SMYD3: variants seen among roughly 807,000 people sequenced by gnomAD.
SMYD3 encodes histone-lysine N-methyltransferase SMYD3.
In SMYD3, 36 loss-of-function variants were observed where a neutral mutation model predicts 57.7. The observed-to-expected ratio is 0.62, with a 90% CI of 0.48 to 0.82. The LOEUF (loss-of-function observed/expected upper bound fraction) is 0.82, where lower values mean the gene tolerates loss of function less well. SMYD3 is among the 40% of genes least tolerant of loss of function. The pLI is 0.00. For synonymous variants in SMYD3, 211 were observed against 195.0 expected (o/e 1.08, Z -0.68); for missense variants, 515 against 538.8 (o/e 0.96, Z 0.44).
At chr1:246,220,568 C>T (rs1214906534) in intron 5 of SMYD3, among the ~76,000 whole-genome samples, 1 of 152,138 alleles carries the variant, frequency 6.6e-6, no homozygotes, top group Admixed American at 6.5e-5. Context: ...TCTCTGCTAT[C>T]GATGCCCACT....
At chr1:245,859,166 C>G (rs2051406508) in intron 9 of SMYD3, among the ~76,000 whole-genome samples, 1 of 152,180 alleles carries the variant, frequency 6.6e-6, no homozygotes, top group South Asian at 2.1e-4. Context: ...AACCCAAAAA[C>G]TCACACAACC....
intron 8 of SMYD3, among the ~76,000 whole-genome samples, chr1:245,886,493 A>T: frequency 6.6e-6 from 1 of 152,200 alleles, no homozygotes; most frequent in East Asian, 1.9e-4. Context: ...AATACCCAGT[A>T]CAATTGGTAA....
intron 5 of SMYD3, among the ~76,000 whole-genome samples, chr1:245,939,002 C>T (rs928909512): frequency 1.3e-5 from 2 of 151,654 alleles, no homozygotes; most frequent in Non-Finnish European, 2.9e-5. Flanking sequence ...AAAAATTAGC[C>T]GGGCGTGGTG....
At chr1:245,957,028 T>C (rs917700632) in intron 5 of SMYD3, among the ~76,000 whole-genome samples, 2 of 152,202 alleles carry the variant, frequency 1.3e-5, no homozygotes, top group African/African-American at 2.4e-5. Context: ...AGGCTAACAC[T>C]GCCAGTGAAG....
At chr1:246,015,314 A>G (rs2059359115) in intron 5 of SMYD3, among the ~76,000 whole-genome samples, 1 of 152,160 alleles carries the variant, frequency 6.6e-6, no homozygotes, top group Non-Finnish European at 1.5e-5. Context: ...ACAGTCCTAT[A>G]AGCTAAAGAT....
chr1:245,970,416 C>A (rs1335438720), intron 5 of SMYD3, among the ~76,000 whole-genome samples: 5 of 152,138 alleles, frequency 3.3e-5, no homozygotes, highest in African/African-American at 7.2e-5. Flanking sequence ...GACTTCATGT[C>A]TAAAACACCA....
chr1:246,261,185 A>G (rs987470318), intron 5 of SMYD3, among the ~76,000 whole-genome samples: 1 of 152,016 alleles, frequency 6.6e-6, no homozygotes, highest in Non-Finnish European at 1.5e-5. Context: ...CAGCCTCCCA[A>G]GTAGCTGGGA....
intron 8 of SMYD3, among the ~76,000 whole-genome samples, chr1:245,892,747 T>C (rs186049255): frequency 5.4e-4 from 82 of 152,304 alleles, no homozygotes; most frequent in African/African-American, 1.7e-3. Flanking sequence ...TGGATCAAAT[T>C]CCTAAATGTA....
intron 10 of SMYD3, among the ~76,000 whole-genome samples, chr1:245,828,603 A>G (rs2049642370): frequency 6.6e-6 from 1 of 152,224 alleles, no homozygotes; most frequent in Non-Finnish European, 1.5e-5. Context: ...ATGTTTGGGT[A>G]CATGTACACA....
chr1:246,378,723 T>TATA (rs2066322997), intron 1 of SMYD3, among the ~76,000 whole-genome samples: 2 of 28,386 alleles, frequency 7.0e-5, no homozygotes, highest in Admixed American at 9.9e-4. Flanking sequence ...TAATATAATA[T>TATA]ATTATATATT....
intron 10 of SMYD3, among the ~76,000 whole-genome samples, chr1:245,810,863 C>T (rs760099834): frequency 6.6e-6 from 1 of 152,158 alleles, no homozygotes; most frequent in East Asian, 1.9e-4. Flanking sequence ...GCCGAGCAGA[C>T]GGAGGGAGTG....
At chr1:246,325,488 A>T (rs1162275353) in intron 5 of SMYD3, among the ~76,000 whole-genome samples, 1 of 152,112 alleles carries the variant, frequency 6.6e-6, no homozygotes, top group African/African-American at 2.4e-5. Context: ...AAAAATCTCA[A>T]AACTGTGTAT....
chr1:246,425,939 T>C (rs2067211370), intron 1 of SMYD3: 1 of 152,244 alleles, frequency 6.6e-6, no homozygotes, highest in Non-Finnish European at 1.5e-5. Flanking sequence ...GTTTAATTGC[T>C]GAGTATTTTA....
intron 5 of SMYD3, among the ~76,000 whole-genome samples, chr1:246,278,937 G>C (rs1330466396): frequency 6.6e-6 from 1 of 152,204 alleles, no homozygotes; most frequent in Non-Finnish European, 1.5e-5. Context: ...CTGCCTGACT[G>C]TTGTCAGGAT....
At chr1:246,002,342 G>C (rs531888770) in intron 5 of SMYD3, among the ~76,000 whole-genome samples, 3 of 65,354 alleles carry the variant, frequency 4.6e-5, no homozygotes, top group Non-Finnish European at 1.2e-4. Flanking sequence ...CCGCCACCAC[G>C]CCCGGCTAAT....
At chr1:246,058,111 G>A (rs1039196720) in intron 5 of SMYD3, among the ~76,000 whole-genome samples, 1 of 152,162 alleles carries the variant, frequency 6.6e-6, no homozygotes, top group Non-Finnish European at 1.5e-5. Flanking sequence ...AGATGAACAG[G>A]TGAGGCACAG....
intron 10 of SMYD3, among the ~76,000 whole-genome samples, chr1:245,798,424 C>CACACACAAACACACA (rs1222464601): frequency 1.8e-4 from 1 of 5,678 alleles, no homozygotes; most frequent in Non-Finnish European, 3.1e-4. Context: ...ACATACACAC[C>CACACACAAACACACA]CCCACACACA....
intron 5 of SMYD3, among the ~76,000 whole-genome samples, chr1:246,278,568 G>A (rs1420517667): frequency 6.6e-6 from 1 of 152,164 alleles, no homozygotes; most frequent in Non-Finnish European, 1.5e-5. Flanking sequence ...CTTCAGCCAA[G>A]AGCCGGCAAG....
intron 10 of SMYD3, among the ~76,000 whole-genome samples, chr1:245,849,998 G>A (rs552602697): frequency 2.0e-5 from 3 of 152,268 alleles, no homozygotes; most frequent in Admixed American, 1.3e-4. Context: ...GGTTTCCAGG[G>A]TCCTGGCATA....
Sources: gnomAD v4.1 joint callset for allele counts (sites outside exome capture counted in the v4.1 genomes callset) on GRCh38, gnomAD v4.1.1 for gene constraint, MANE v1.5 for transcripts, NCBI Gene and HGNC (gene_info 2026-07-23, HGNC 2026-07-21) for gene names.